The following PPP6C variants were observed in gnomAD, a reference collection of about 807,000 sequenced individuals.
PPP6C encodes the protein serine/threonine-protein phosphatase 6 catalytic subunit.
In PPP6C, 11 loss-of-function variants were observed where a neutral mutation model predicts 39.8. That is an observed-to-expected ratio of 0.28 (90% confidence interval 0.17 to 0.46). The LOEUF (loss-of-function observed/expected upper bound fraction) is 0.46, where lower values mean the gene tolerates loss of function less well. Among genes scored for constraint, PPP6C ranks in the 20% least tolerant of loss-of-function variants. The pLI is 1.00. For synonymous variants in PPP6C, 129 were observed against 130.3 expected (o/e 0.99, Z 0.07); for missense variants, 211 against 373.9 (o/e 0.56, Z 3.59).
At chr9:125,155,319 T>C (rs1234736545) in intron 4 of PPP6C, among the ~76,000 whole-genome samples, 2 of 152,136 alleles carry the variant, frequency 1.3e-5, no homozygotes, top group Non-Finnish European at 2.9e-5. Flanking sequence ...ACTATTGCCT[T>C]AAGTGAAGCT....
intron 6 of PPP6C, chr9:125,150,613 C>G: frequency 1.1e-6 from 1 of 886,568 alleles, no homozygotes; most frequent in Non-Finnish European, 1.7e-6. Flanking sequence ...CAGCAGTGAT[C>G]ACTTAGTGAA....
chr9:125,181,829 T>G (rs1829427821), intron 1 of PPP6C, among the ~76,000 whole-genome samples: 1 of 152,218 alleles, frequency 6.6e-6, no homozygotes. Context: ...GTAATGGGAT[T>G]GCTGGGCCAA....
At chr9:125,153,458 A>T in intron 6 of PPP6C, 75 bp downstream of exon 6, 1 of 1,381,626 alleles carries the variant, frequency 7.2e-7, no homozygotes. Flanking sequence ...CAAGTTTGTT[A>T]TCTAGGGCCA....
rs552387101 is a variant in PPP6C, at chr9:125,189,206, T to C, written c.75+438A>G. 3.3e-5 allele frequency among the ~76,000 whole-genome samples: 5 copies of C among 152,326 alleles called. No individual in the cohort carries two copies. The East Asian group carries it at 9.7e-4, about 29-fold the overall frequency. Reference sequence around the variant, plus strand: ...TAAACACACTGAGGCCGCGTTCCGGTAGCCGGTGGCATCTCCTGTCAGACG... The same window carrying C: ...TAAACACACTGAGGCCGCGTTCCGGCAGCCGGTGGCATCTCCTGTCAGACG... On this transcript the variant is annotated intron_variant, in intron 1 of 6. Coordinates refer to ENST00000373547, the MANE Select transcript of PPP6C (RefSeq NM_002721.5).
At chr9:125,158,615 G>A (rs1203765394) in intron 3 of PPP6C, among the ~76,000 whole-genome samples, 2 of 151,358 alleles carry the variant, frequency 1.3e-5, no homozygotes, top group Non-Finnish European at 2.9e-5. Flanking sequence ...AATCTGCTGT[G>A]CCATTCTCTC....
chr9:125,163,128 C>T (rs1014575758), intron 2 of PPP6C, among the ~76,000 whole-genome samples: 1 of 151,884 alleles, frequency 6.6e-6, no homozygotes, highest in African/African-American at 2.4e-5. Context: ...AAGAAACAGC[C>T]TTCATGACTA....
At chr9:125,153,480 T>C (rs1025499617) in intron 6 of PPP6C, 53 bp downstream of exon 6, 15 of 1,527,502 alleles carry the variant, frequency 9.8e-6, no homozygotes, top group Middle Eastern at 1.7e-4. Flanking sequence ...CATAGTTCTC[T>C]ATGCAGCCCA....
At chr9:125,180,953 G>A (rs1392086967) in intron 1 of PPP6C, among the ~76,000 whole-genome samples, 1 of 152,042 alleles carries the variant, frequency 6.6e-6, no homozygotes, top group African/African-American at 2.4e-5. Context: ...CTTCAACCAG[G>A]GCCCAGGCAC....
Position 125,183,893 on chromosome 9 carries a change from G to C in PPP6C, c.75+5751C>G, listed in dbSNP as rs565728537. Among the ~76,000 whole-genome samples the C allele has an allele frequency of 5.3e-5, 8 of 152,208 alleles. No individual in the cohort carries two copies. The East Asian group carries it at 1.5e-3, about 29-fold the overall frequency. The stretch of plus-strand genomic sequence containing the variant: ...CTTACTATATTGAAAGCCCCTCAAA[G>C]GCAGACACAAGTATCCAATTCTGCC... On this transcript the variant is annotated intron_variant, in intron 1 of 6. Transcript: ENST00000373547.
intron 4 of PPP6C, among the ~76,000 whole-genome samples, chr9:125,157,825 G>A (rs1423990562): frequency 6.6e-6 from 1 of 151,636 alleles, no homozygotes; most frequent in East Asian, 1.9e-4. Flanking sequence ...CGAGTAACTG[G>A]GATTACATGC....
chr9:125,177,651 A>G (rs1204289114), intron 1 of PPP6C, among the ~76,000 whole-genome samples: 1 of 152,182 alleles, frequency 6.6e-6, no homozygotes, highest in Non-Finnish European at 1.5e-5. Context: ...TACGTTTGTT[A>G]CAGATGATGA....
chr9:125,176,453 C>T (rs762387427), intron 1 of PPP6C, among the ~76,000 whole-genome samples: 1 of 152,080 alleles, frequency 6.6e-6, no homozygotes, highest in African/African-American at 2.4e-5. Context: ...CTCAGGAGTT[C>T]GAGACCTGCC....
intron 2 of PPP6C, among the ~76,000 whole-genome samples, chr9:125,170,096 C>T (rs1181010407): frequency 6.6e-6 from 1 of 152,204 alleles, no homozygotes; most frequent in African/African-American, 2.4e-5. Context: ...ATGGCCCCAA[C>T]TACACTGTAT....
At chr9:125,168,830 G>A (rs191951941) in intron 2 of PPP6C, among the ~76,000 whole-genome samples, 13 of 150,926 alleles carry the variant, frequency 8.6e-5, no homozygotes, top group African/African-American at 2.4e-4. Context: ...GCATGATCTC[G>A]GTTCACTGCA....
intron 1 of PPP6C, among the ~76,000 whole-genome samples, chr9:125,185,389 T>C (rs1015757993): frequency 2.0e-5 from 3 of 151,898 alleles, no homozygotes; most frequent in African/African-American, 7.3e-5. Flanking sequence ...ATGTCATTCT[T>C]ATTCCTTCAA....
At chr9:125,187,396 AG>A (rs1446478117) in intron 1 of PPP6C, among the ~76,000 whole-genome samples, 2 of 151,584 alleles carry the variant, frequency 1.3e-5, no homozygotes, top group African/African-American at 2.4e-5. Flanking sequence ...TCCCTGCCTC[AG>A]CCTCCCAAGT....
rs570614117 is a variant in PPP6C, at chr9:125,185,973, GAACA to G, written c.75+3667_75+3670del. ...GCACTCCACCCTGAGCAACAAGAGC[GAACA>G]AACAAACAAAAACAGTTATGTAGAT... On this transcript the variant is annotated intron_variant, in intron 1 of 6. Coordinates refer to ENST00000373547, the MANE Select transcript of PPP6C (RefSeq NM_002721.5). Among the ~76,000 whole-genome samples the G allele has an allele frequency of 2.9e-3, 442 of 152,076 alleles. 6 individuals are homozygous for G. Among genetic ancestry groups the G allele is most frequent in the African/African-American group, 0.01 (424 of 41,364 alleles).
In PPP6C at chr9:125,189,756, G is replaced by A. The variant is rs372110106; in HGVS notation, c.-38C>T. The A allele has an allele frequency of 3.9e-5, 60 of 1,545,856 alleles. No individual in the cohort carries two copies. Among genetic ancestry groups the A allele is most frequent in the African/African-American group, 2.1e-4 (15 of 69,928 alleles). On this transcript the variant is annotated 5_prime_UTR_variant, in exon 1 of 7. Transcript: ENST00000373547. ...AAGCCGCGGCAACAGCGGCGGCGGC[G>A]GCTGTAGCAGCGGCGGCGGCAGCGG...
At chr9:125,160,250 G>A (rs1175941611) in intron 3 of PPP6C, among the ~76,000 whole-genome samples, 1 of 152,162 alleles carries the variant, frequency 6.6e-6, no homozygotes, top group Non-Finnish European at 1.5e-5. Context: ...TAAACCAGGG[G>A]TTCTGGGTTA....
Sources: gnomAD v4.1 joint callset for allele counts (sites outside exome capture counted in the v4.1 genomes callset) on GRCh38, gnomAD v4.1.1 for gene constraint, MANE v1.5 for transcripts, NCBI Gene and HGNC (gene_info 2026-07-23, HGNC 2026-07-21) for gene names.